Variants in BPIFB1 observed in about 807,000 individuals in gnomAD.
BPIFB1 encodes BPI fold-containing family B member 1.
BPIFB1 carries 34 observed loss-of-function variants against 55.1 expected under a neutral mutation model. The observed-to-expected ratio is 0.62, with a 90% confidence interval of 0.47 to 0.82. The LOEUF is 0.82. Among genes scored for constraint, BPIFB1 ranks in the 40% least tolerant of loss-of-function variants. The pLI is 0.00. For synonymous variants in BPIFB1, 236 were observed against 245.3 expected, an observed-to-expected ratio of 0.96 and a Z score of 0.35; for missense variants, 532 against 593.1, an observed-to-expected ratio of 0.90 and a Z score of 1.07.
At chr20:33,298,427 G>A (rs977065465) in intron 7 of BPIFB1, among the ~76,000 whole-genome samples, 4 of 152,222 alleles carry the variant, frequency 2.6e-5, no homozygotes, top group African/African-American at 9.6e-5. Flanking sequence ...AAGAAGAAAA[G>A]TCTACCAACT....
chr20:33,290,816 G>C, intron 4 of BPIFB1, 141 bp from the exon 5 acceptor site: 2 of 867,758 alleles, frequency 2.3e-6, no homozygotes, highest in Non-Finnish European at 3.5e-6. Context: ...ACATGCTGGG[G>C]TGAAGTTGGG....
chr20:33,291,029 T>G lies in BPIFB1; in HGVS notation c.438T>G (p.Ser146Arg), dbSNP rs1235292269. 1 of 1,613,846 alleles carries G rather than the reference T, an allele frequency of 6.2e-7. No homozygotes were observed. The highest frequency in any genetic ancestry group is 8.5e-7 in the Non-Finnish European group (1 of 1,180,010). Reference protein sequence around the residue: ...EAQATIRMDTSASGPTRLVLS... With the variant: ...EAQATIRMDTRASGPTRLVLS... Reference sequence around the variant, plus strand: ...AAGCCACCATCCGCATGGACACCAGTGCAAGTGGCCCCACCCGCCTGGTCC... The same window carrying G: ...AAGCCACCATCCGCATGGACACCAGGGCAAGTGGCCCCACCCGCCTGGTCC... The change falls in exon 5 of 16, where the codon AGT becomes AGG. Residue 146 changes from serine to arginine, a missense_variant. Transcript: ENST00000253354.
At chr20:33,304,950 C>T in intron 13 of BPIFB1, 59 bp downstream of exon 13, 1 of 1,571,634 alleles carries the variant, frequency 6.4e-7, no homozygotes, top group Non-Finnish European at 8.8e-7. Flanking sequence ...GGTCCACTCT[C>T]AAAACAGATA....
intron 11 of BPIFB1, 43 bp downstream of exon 11, chr20:33,303,117 C>G (rs1450220045): frequency 4.4e-6 from 7 of 1,606,568 alleles, no homozygotes; most frequent in African/African-American, 1.3e-5. Flanking sequence ...CCAGGGGGAC[C>G]CTTCTGTCTA....
chr20:33,300,144 T>C (rs1234684170), intron 8 of BPIFB1, among the ~76,000 whole-genome samples, 160 bp downstream of exon 8: 1 of 152,204 alleles, frequency 6.6e-6, no homozygotes, highest in African/African-American at 2.4e-5. Context: ...ATATGTCCCA[T>C]GCAAGTTTGT....
At chr20:33,290,822 T>A in intron 4 of BPIFB1, 135 bp from the exon 5 acceptor site, 1 of 923,582 alleles carries the variant, frequency 1.1e-6, no homozygotes, top group Non-Finnish European at 1.6e-6. Context: ...TGGGGTGAAG[T>A]TGGGTGAAGA....
intron 7 of BPIFB1, among the ~76,000 whole-genome samples, chr20:33,299,599 T>C (rs2146532753): frequency 6.6e-6 from 1 of 152,260 alleles, no homozygotes; most frequent in South Asian, 2.1e-4. Context: ...TTTGAACAGG[T>C]CATTTCCCTT....
At chr20:33,305,954 A>T (rs200577319) in intron 13 of BPIFB1, 48 bp from the exon 14 acceptor site, 259 of 1,585,746 alleles carry the variant, frequency 1.6e-4, no homozygotes, top group African/African-American at 1.5e-3. Flanking sequence ...ATGGGGGGGA[A>T]CTTCAGATGC....
In BPIFB1 at chr20:33,302,938, CCCA is replaced by C. The variant is rs1476564862; in HGVS notation, c.1005_1007del (p.Gln336del). 1 of 1,614,010 alleles carries C rather than the reference CCCA, an allele frequency of 6.2e-7. No individual in the cohort carries two copies. Among genetic ancestry groups the C allele is most frequent in the Non-Finnish European group, 8.5e-7 (1 of 1,180,028 alleles). The stretch of plus-strand genomic sequence containing the variant: ...CAGGCTGCAGATAAGCTGGGATCTA[CCCA>C]GATCGTGAAGATCCTAACTCAGGAC... On this transcript the variant is annotated inframe_deletion, in exon 11 of 16. Transcript: ENST00000253354.
At chr20:33,301,704 G>A (rs1167961490) in intron 9 of BPIFB1, among the ~76,000 whole-genome samples, 1 of 152,242 alleles carries the variant, frequency 6.6e-6, no homozygotes, top group Non-Finnish European at 1.5e-5. Flanking sequence ...GTCCAGGGGT[G>A]ATAAATACAT....
chr20:33,292,531 T>A (rs1471991831), intron 6 of BPIFB1, among the ~76,000 whole-genome samples: 1 of 152,230 alleles, frequency 6.6e-6, no homozygotes, highest in African/African-American at 2.4e-5. Context: ...ATTGTAAGTT[T>A]ATATGTCTAA....
At chr20:33,290,028 CA>C (rs1568647456) in intron 4 of BPIFB1, 36 bp downstream of exon 4, 1 of 1,502,168 alleles carries the variant, frequency 6.7e-7, no homozygotes, top group East Asian at 2.3e-5. Flanking sequence ...GTAGGCTTGA[CA>C]GGCTCATCTG....
In BPIFB1 at chr20:33,299,900, G is replaced by A. The variant is rs771750017; in HGVS notation, c.663G>A (p.Val221=). Residue 221 remains valine, a splice_region_variant and synonymous_variant, in exon 8 of 16, where the codon GTG becomes GTA. Transcript: ENST00000253354. The part of the protein sequence containing the change: ...MYADLLQLVK[V]PISLSIDRLE... ...AACTTTCTTCTTGTCCTTGAGCAGT[G>A]CCCATTTCCCTCAGCATTGACCGTC... is the stretch of plus-strand genomic sequence containing the variant. The A allele has an allele frequency of 1.9e-6, 3 of 1,613,900 alleles. No homozygotes were observed. Among genetic ancestry groups the A allele is most frequent in the Non-Finnish European group, 2.5e-6 (3 of 1,179,958 alleles).
intron 10 of BPIFB1, 154 bp from the exon 11 acceptor site, chr20:33,302,762 C>A: frequency 1.2e-6 from 1 of 842,860 alleles, no homozygotes; most frequent in Non-Finnish European, 1.8e-6. Flanking sequence ...GGGAGAACAA[C>A]ACAACATTCA....
chr20:33,289,381 CAA>C (rs1217903188), intron 3 of BPIFB1, among the ~76,000 whole-genome samples: 3 of 105,808 alleles, frequency 2.8e-5, no homozygotes, highest in Non-Finnish European at 6.1e-5. Flanking sequence ...GATTCTGTCT[CAA>C]AAAAAAAAAA....
intron 6 of BPIFB1, among the ~76,000 whole-genome samples, chr20:33,295,545 C>T (rs1980609017): frequency 6.6e-6 from 1 of 151,634 alleles, no homozygotes; most frequent in Non-Finnish European, 1.5e-5. Flanking sequence ...AGGAGAATTG[C>T]TTGAACCTGG....
At chr20:33,296,703 C>T (rs1980663932) in intron 6 of BPIFB1, among the ~76,000 whole-genome samples, 1 of 152,170 alleles carries the variant, frequency 6.6e-6, no homozygotes, top group Non-Finnish European at 1.5e-5. Context: ...CCAAATGTCT[C>T]CTTGGGGACA....
intron 7 of BPIFB1, 37 bp downstream of exon 7, chr20:33,297,625 C>T: frequency 6.2e-7 from 1 of 1,611,634 alleles, no homozygotes; most frequent in Non-Finnish European, 8.5e-7. Context: ...TTTTCCTTTA[C>T]TACGGAGCTG....
At chr20:33,308,511 CACAT>C (rs1481805898) in intron 15 of BPIFB1, among the ~76,000 whole-genome samples, 1 of 148,672 alleles carries the variant, frequency 6.7e-6, no homozygotes, top group East Asian at 2.0e-4. Context: ...CACATACAAA[CACAT>C]ACACCTTTAT....
Sources: allele counts gnomAD v4.1 joint callset (sites outside exome capture counted in the v4.1 genomes callset), GRCh38; gene constraint gnomAD v4.1.1; transcripts MANE v1.5; gene names NCBI Gene and HGNC (gene_info 2026-07-23, HGNC 2026-07-21).